PCDHGB3: variants seen among roughly 807,000 people sequenced by gnomAD.
The protein encoded by PCDHGB3 is protocadherin gamma subfamily B, 3.
Under a neutral mutation model 59.2 loss-of-function variants are expected in PCDHGB3, and 40 were observed. The observed-to-expected ratio is 0.68, with a 90% CI of 0.52 to 0.88. The LOEUF (loss-of-function observed/expected upper bound fraction) is 0.88, where lower values mean the gene tolerates loss of function less well. Ranked by LOEUF, PCDHGB3 falls within the 40% of genes least tolerant of loss-of-function variation. The pLI is 0.00. For synonymous variants in PCDHGB3, 581 were observed against 503.6 expected, an observed-to-expected ratio of 1.15 and a Z score of -2.06; for missense variants, 1,309 against 1,187.9, an observed-to-expected ratio of 1.10 and a Z score of -1.50.
Position 141,438,591 on chromosome 5 carries a change from C to CAT in PCDHGB3, c.2416-56172_2416-56171dup, listed in dbSNP as rs946798767. On this transcript the variant is annotated intron_variant, in intron 1 of 3. Coordinates refer to ENST00000576222, the MANE Select transcript of PCDHGB3 (RefSeq NM_018924.5). ...TCTGATATACATACATACATACATA[C>CAT]ATATATATATATATATATATATATA... Among the ~76,000 whole-genome samples the CAT allele has an allele frequency of 6.3e-3, 476 of 75,268 alleles. 1 individual carries two copies. The highest frequency in any genetic ancestry group is 9.5e-3 in the Non-Finnish European group (352 of 37,106). 49.4% of individuals were successfully genotyped at this position (75,268 alleles called of 152,430 possible). A position where few individuals can be genotyped will look rare whatever the true frequency, so the allele number is the denominator to read the frequency against.
At chr5:141,464,279 C>CAA (rs373828487) in intron 1 of PCDHGB3, among the ~76,000 whole-genome samples, 8,568 of 137,664 alleles carry the variant, frequency 0.062, 499 homozygotes, top group African/African-American at 0.16. Context: ...AAAAAAAAAG[C>CAA]AAAAAAAAAA....
In PCDHGB3 at chr5:141,415,753, T is replaced by G. The variant is rs763784703; in HGVS notation, c.2415+42944T>G. On this transcript the variant is annotated intron_variant, in intron 1 of 3. Transcript: ENST00000576222. The stretch of plus-strand genomic sequence containing the variant: ...ATGTTTATTAAGGTTTTTTTTTTTT[T>G]TTTTTTTTTTTTTTTTTTTACTTTC... 6.3e-5 allele frequency: 87 copies of G among 1,381,374 alleles called. 1 individual carries two copies. The highest frequency in any genetic ancestry group is 3.3e-4 in the Admixed American group (10 of 29,906). 85.6% of individuals were successfully genotyped at this position (1,381,374 alleles called of 1,614,324 possible).
intron 1 of PCDHGB3, chr5:141,410,517 C>T: frequency 6.2e-7 from 1 of 1,613,926 alleles, no homozygotes; most frequent in Non-Finnish European, 8.5e-7. Flanking sequence ...TGCAGTGTGC[C>T]CCTACATTCC....
rs999687684 is a variant in PCDHGB3 at position 141,431,598 on chromosome 5, C to G, written c.2415+58789C>G. 1 of 1,614,074 alleles carries G rather than the reference C, an allele frequency of 6.2e-7. No individual in the cohort carries two copies. The highest frequency in any genetic ancestry group is 1.3e-5 in the African/African-American group (1 of 74,938). On this transcript the variant is annotated intron_variant, in intron 1 of 3. Transcript: ENST00000576222. This position sits in a 1 kb window ranked among gnomAD's most constrained non-coding sequence, Gnocchi z 4.8. ...GGAGTCAATGCGGAAGTGAGGTATT[C>G]CTTCCGGTATGTGGACGACAAGGCG...
In PCDHGB3 at chr5:141,488,566, A is replaced by T. The variant is rs1354931497; in HGVS notation, c.2416-6241A>T. On this transcript the variant is annotated intron_variant, in intron 1 of 3. Coordinates refer to ENST00000576222, the MANE Select transcript of PCDHGB3 (RefSeq NM_018924.5). ...TGTCAGCTGACATTGAGATTTCCGC[A>T]AAGCATTGCTGGAGAGTCAGGGCAA... 5.9e-5 allele frequency among the ~76,000 whole-genome samples: 9 copies of T among 152,324 alleles called. No individual in the cohort carries two copies. In the East Asian group the frequency reaches 1.5e-3, roughly 26 times the overall value.
rs1193497090 is a variant in PCDHGB3 at position 141,485,890 on chromosome 5, C to T, written c.2416-8917C>T. On this transcript the variant is annotated intron_variant, in intron 1 of 3. Coordinates refer to ENST00000576222, the MANE Select transcript of PCDHGB3 (RefSeq NM_018924.5). This position sits in a 1 kb window ranked among gnomAD's most constrained non-coding sequence, Gnocchi z 5.7. ...CCGTGCTGGACGTAAACGACAACGC[C>T]CCAGCCTTCCAGCAATCCAGCTACA... The T allele has an allele frequency of 6.2e-6, 10 of 1,614,156 alleles. No homozygotes were observed. Among genetic ancestry groups the T allele is most frequent in the Non-Finnish European group, 6.8e-6 (8 of 1,180,022 alleles).
chr5:141,448,338 T>A (rs1053822287), intron 1 of PCDHGB3, among the ~76,000 whole-genome samples: 1 of 152,192 alleles, frequency 6.6e-6, no homozygotes, highest in African/African-American at 2.4e-5. Context: ...TATAGCCATG[T>A]ACCTCAATCT....
chr5:141,476,224 G>T lies in PCDHGB3; in HGVS notation c.2416-18583G>T. 6.2e-7 allele frequency: 1 copy of T among 1,614,062 alleles called. No individual in the cohort carries two copies. The highest frequency in any genetic ancestry group is 1.1e-5 in the South Asian group (1 of 91,072). ...AGGCTTCCACGGTCATTCACTATGA[G>T]ATCCCGGAGGAAAGAGAGAAGGGTT... On this transcript the variant is annotated intron_variant, in intron 1 of 3. Transcript: ENST00000576222. This position sits in a 1 kb window ranked among gnomAD's most constrained non-coding sequence, Gnocchi z 7.6.
At chr5:141,510,682 G>C (rs1014890367) in intron 3 of PCDHGB3, among the ~76,000 whole-genome samples, 2 of 152,154 alleles carry the variant, frequency 1.3e-5, no homozygotes, top group Non-Finnish European at 2.9e-5. Context: ...GTGGCATAAG[G>C]AGGTTAGGTA....
rs200533514 is a variant in PCDHGB3 at position 141,476,315 on chromosome 5, C to T, written c.2416-18492C>T. On this transcript the variant is annotated intron_variant, in intron 1 of 3. Transcript: ENST00000576222. This position sits in a 1 kb window ranked among gnomAD's most constrained non-coding sequence, Gnocchi z 7.6. The stretch of plus-strand genomic sequence containing the variant: ...CGGTAGCCTCTCAGCCCGCAGGTTC[C>T]GGGTGGTGTCTGGAGCTAGCCGAAG... 264 of 1,613,910 alleles carry T rather than the reference C, an allele frequency of 1.6e-4. No homozygotes were observed. The highest frequency in any genetic ancestry group is 2.1e-4 in the Non-Finnish European group (248 of 1,180,024).
At chr5:141,504,113 C>A (rs568207803) in intron 2 of PCDHGB3, among the ~76,000 whole-genome samples, 1 of 152,220 alleles carries the variant, frequency 6.6e-6, no homozygotes, top group Non-Finnish European at 1.5e-5. Flanking sequence ...TGTGTGTGTG[C>A]CAGGGCTGTT....
At chr5:141,455,244 T>A (rs977940552) in intron 1 of PCDHGB3, among the ~76,000 whole-genome samples, 4 of 152,142 alleles carry the variant, frequency 2.6e-5, no homozygotes, top group Non-Finnish European at 4.4e-5. Flanking sequence ...TTAAAGGTCA[T>A]AGTACAATCG....
intron 1 of PCDHGB3, chr5:141,404,726 G>A (rs772532099): frequency 6.2e-7 from 1 of 1,614,094 alleles, no homozygotes; most frequent in Admixed American, 1.7e-5. Context: ...GACCAAGGTG[G>A]TGGCAGTGGA....
chr5:141,383,698 A>G lies in PCDHGB3; in HGVS notation c.2415+10889A>G, dbSNP rs376903516. 5.0e-6 allele frequency: 8 copies of G among 1,614,026 alleles called. No homozygotes were observed. Among genetic ancestry groups the G allele is most frequent in the South Asian group, 1.1e-5 (1 of 91,088 alleles). On this transcript the variant is annotated intron_variant, in intron 1 of 3. Transcript: ENST00000576222. ...TACAAGACTGCTCACGGTACATGCTATCGACCTGGACGAGGGAGTCAATGG... is the reference window on the plus strand; with the variant it reads ...TACAAGACTGCTCACGGTACATGCTGTCGACCTGGACGAGGGAGTCAATGG...
Position 141,511,579 on chromosome 5 carries a change from G to T in PCDHGB3, c.*406G>T. The T allele has an allele frequency of 3.6e-6, 1 of 280,798 alleles. No individual in the cohort carries two copies. Among genetic ancestry groups the T allele is most frequent in the South Asian group, 4.1e-5 (1 of 24,614 alleles). 17.4% of individuals were successfully genotyped at this position (280,798 alleles called of 1,614,324 possible). On this transcript the variant is annotated 3_prime_UTR_variant, in exon 4 of 4. Transcript: ENST00000576222. Reference sequence around the variant, plus strand: ...CCTCTTTCCCGAGTAAGGTGGTTGGGGTGTTGAAGTACCAAGTAACCTACA... The same window carrying T: ...CCTCTTTCCCGAGTAAGGTGGTTGGTGTGTTGAAGTACCAAGTAACCTACA...
chr5:141,377,157 T>C (rs1773738723), intron 1 of PCDHGB3: 1 of 152,278 alleles, frequency 6.6e-6, no homozygotes, highest in South Asian at 2.1e-4. Context: ...GTCCTAGTTT[T>C]TCTTTACCTT....
At chr5:141,469,191 G>A (rs1431459571) in intron 1 of PCDHGB3, among the ~76,000 whole-genome samples, 1 of 151,882 alleles carries the variant, frequency 6.6e-6, no homozygotes, top group Admixed American at 6.6e-5. Flanking sequence ...CAAGAGGATT[G>A]CTTGAGCCTT....
intron 1 of PCDHGB3, chr5:141,422,628 C>A: frequency 6.2e-7 from 1 of 1,613,410 alleles, no homozygotes; most frequent in Non-Finnish European, 8.5e-7. Context: ...AAAACAACCC[C>A]AGGGGTGCCT....
At position 141,491,766 on chromosome 5, in the gene PCDHGB3, T is replaced by G. The variant is rs772444495; in HGVS notation, c.2416-3041T>G. On this transcript the variant is annotated intron_variant, in intron 1 of 3. Coordinates refer to ENST00000576222, the MANE Select transcript of PCDHGB3 (RefSeq NM_018924.5). This position sits in a 1 kb window ranked among gnomAD's most constrained non-coding sequence, Gnocchi z 6.9. ...GCACTGGAGAAGCCGCCCGTCCTCA[T>G]AAGGGATTGAACTTGCATCCACTCC... The G allele has an allele frequency of 1.9e-6, 3 of 1,567,856 alleles. No homozygotes were observed. Among genetic ancestry groups the G allele is most frequent in the Non-Finnish European group, 8.6e-7 (1 of 1,158,088 alleles).
Sources: allele counts gnomAD v4.1 joint callset (sites outside exome capture counted in the v4.1 genomes callset), GRCh38; gene constraint gnomAD v4.1.1; non-coding constraint Gnocchi (gnomAD v3.1); transcripts MANE v1.5; gene names NCBI Gene and HGNC (gene_info 2026-07-23, HGNC 2026-07-21).